ITGB1: variants seen among roughly 807,000 people sequenced by gnomAD.
ITGB1 encodes integrin subunit beta 1, also known as integrin beta-1.
Under a neutral mutation model 86.5 loss-of-function variants are expected in ITGB1, and 24 were observed. The ratio of observed to expected loss-of-function variants is 0.28; its 90% CI spans 0.20 to 0.39. ITGB1 has a LOEUF of 0.39. Ranked by LOEUF, ITGB1 falls within the 10% of genes least tolerant of loss-of-function variation. The pLI, the probability that ITGB1 is intolerant of heterozygous loss-of-function variation, is 1.00. For synonymous variants in ITGB1, 323 were observed against 316.8 expected (o/e 1.02, Z -0.21); for missense variants, 556 against 946.9 (o/e 0.59, Z 5.42).
intron 1 of ITGB1, among the ~76,000 whole-genome samples, chr10:32,950,085 T>C (rs921091938): frequency 5.2e-4 from 79 of 152,174 alleles, no homozygotes; most frequent in African/African-American, 1.7e-4. Flanking sequence ...CTGATACCTA[T>C]AGAGGTATAT....
At chr10:32,938,961 C>G (rs2095011194) in intron 1 of ITGB1, among the ~76,000 whole-genome samples, 1 of 152,164 alleles carries the variant, frequency 6.6e-6, no homozygotes, top group African/African-American at 2.4e-5. Context: ...GCTTTCAATG[C>G]TGCTGGCCTT....
intron 15 of ITGB1, among the ~76,000 whole-genome samples, chr10:32,904,314 T>TA (rs1419542100): frequency 1.3e-5 from 2 of 152,152 alleles, no homozygotes; most frequent in African/African-American, 4.8e-5. Flanking sequence ...AGAACAGGGT[T>TA]ATATTATGAA....
rs1186872641 is a variant in ITGB1, at chr10:32,947,432, CGT to C, written c.-1+10711_-1+10712del. 4.0e-3 allele frequency among the ~76,000 whole-genome samples: 549 copies of C among 137,348 alleles called. 3 individuals carry two copies. Among genetic ancestry groups the C allele is most frequent in the African/African-American group, 9.3e-3 (340 of 36,738 alleles). The allele number at this position is 137,348 out of a possible 152,430, so 90.1% of individuals were successfully genotyped here. A position where few individuals can be genotyped will look rare whatever the true frequency, so the allele number is the denominator to read the frequency against. On this transcript the variant is annotated intron_variant, in intron 1 of 15. Transcript: ENST00000302278. ...TAAAGCCAGGTGATTCACATATAGCCGTGTGTGTGTGTGTGTGTGTGTGTGTG... is the reference window on the plus strand; with the variant it reads ...TAAAGCCAGGTGATTCACATATAGCCGTGTGTGTGTGTGTGTGTGTGTGTG...
At chr10:32,911,363 G>T in intron 13 of ITGB1, 85 bp downstream of exon 13, 1 of 1,112,430 alleles carries the variant, frequency 9.0e-7, no homozygotes, top group Non-Finnish European at 1.4e-6. Flanking sequence ...TTTAATATTG[G>T]CACTGTTCTG....
rs191734207 is a variant in ITGB1, at chr10:32,921,174, A to C, written c.1129-789T>G. ...CATTGTAGCCCAGCCAAAAAAAAAA[A>C]AAAACAAAATCCCCCAAGAAGGAAG... On this transcript the variant is annotated intron_variant, in intron 9 of 15. Transcript: ENST00000302278. 1.3e-3 allele frequency among the ~76,000 whole-genome samples: 197 copies of C among 151,826 alleles called. 1 individual carries two copies. Among genetic ancestry groups the C allele is most frequent in the African/African-American group, 4.5e-3 (188 of 41,420 alleles).
chr10:32,937,576 A>G (rs2095006830), intron 1 of ITGB1, among the ~76,000 whole-genome samples: 1 of 143,250 alleles, frequency 7.0e-6, no homozygotes, highest in Non-Finnish European at 1.6e-5. Context: ...AAAAAAAAAA[A>G]AAGAGTTACA....
chr10:32,957,514 G>C (rs1189704717), intron 1 of ITGB1, among the ~76,000 whole-genome samples: 1 of 152,108 alleles, frequency 6.6e-6, no homozygotes, highest in Admixed American at 6.5e-5. Flanking sequence ...CCGCACCCCC[G>C]GTCCCCAGCG....
intron 1 of ITGB1, among the ~76,000 whole-genome samples, chr10:32,939,731 AGTG>A (rs2095013501): frequency 2.6e-5 from 1 of 38,632 alleles, no homozygotes. Context: ...TAAGTGAGTG[AGTG>A]AGTGAGTGAG....
chr10:32,957,022 G>A (rs751511934), intron 1 of ITGB1, among the ~76,000 whole-genome samples: 32 of 152,138 alleles, frequency 2.1e-4, no homozygotes, highest in Non-Finnish European at 3.7e-4. Flanking sequence ...TTTGCTCCCT[G>A]TGCCTCAGTT....
At chr10:32,953,521 C>T (rs1309423457) in intron 1 of ITGB1, 3 of 149,932 alleles carry the variant, frequency 2.0e-5, no homozygotes, top group African/African-American at 7.3e-5. Flanking sequence ...GTAAGTGGCA[C>T]AGTGCCTACA....
At chr10:32,937,457 G>A (rs1484298731) in intron 1 of ITGB1, among the ~76,000 whole-genome samples, 1 of 151,068 alleles carries the variant, frequency 6.6e-6, no homozygotes, top group Non-Finnish European at 1.5e-5. Flanking sequence ...TCAGGAGGCT[G>A]AGGCAGGAGA....
intron 1 of ITGB1, among the ~76,000 whole-genome samples, chr10:32,957,245 T>C (rs983632479): frequency 1.5e-4 from 23 of 152,108 alleles, no homozygotes; most frequent in Middle Eastern, 3.2e-3. Flanking sequence ...TACCAATGAG[T>C]GCAAAGTTTT....
rs772215707 is a variant in ITGB1 at position 32,923,755 on chromosome 10, G to A, written c.787-15C>T. 6 of 1,601,244 alleles carry A rather than the reference G, an allele frequency of 3.7e-6. No homozygotes were observed. Among genetic ancestry groups the A allele is most frequent in the Non-Finnish European group, 5.1e-6 (6 of 1,174,196 alleles). On this transcript the variant is annotated splice_polypyrimidine_tract_variant and intron_variant, in intron 6 of 15. Coordinates refer to ENST00000302278, the MANE Select transcript of ITGB1 (RefSeq NM_002211.4). The stretch of plus-strand genomic sequence containing the variant: ...CCAATCAGTGACTTGAAAAGAAAAG[G>A]ATTTCAATTTTAAAACACTATTCAC...
At chr10:32,902,072 C>T (rs2094883410) in intron 15 of ITGB1, among the ~76,000 whole-genome samples, 1 of 152,146 alleles carries the variant, frequency 6.6e-6, no homozygotes, top group African/African-American at 2.4e-5. Flanking sequence ...CCTCGGCTTT[C>T]ACTGCTGGGA....
chr10:32,910,570 G>A, intron 13 of ITGB1, 115 bp from the exon 14 acceptor site: 1 of 615,476 alleles, frequency 1.6e-6, no homozygotes. Flanking sequence ...CAGCTATGAA[G>A]GAAGATTTCA....
chr10:32,920,537 G>A (rs2094946137), intron 9 of ITGB1, 152 bp from the exon 10 acceptor site: 2 of 627,334 alleles, frequency 3.2e-6, no homozygotes, highest in Non-Finnish European at 5.5e-6. Context: ...ACAGAGGCCA[G>A]AGAAACAGGT....
rs200536241 is a variant in ITGB1, at chr10:32,910,295, C to T, written c.2092G>A (p.Asp698Asn). ...VSHCKEKDVD[D>N]CWFYFTYSVN... ...GAATACGTAAAATAGAACCAACAGT[C>T]GTCAACATCCTTCTCCTTACAATGG... The change falls in exon 14 of 16, where the codon GAC becomes AAC. Residue 698 changes from aspartate (D) to asparagine (N), a missense_variant. This residue lies in a region of ITGB1 where 330 missense variants were observed against 531.5 expected (regional missense o/e 0.62). Coordinates refer to ENST00000302278, the MANE Select transcript of ITGB1 (RefSeq NM_002211.4). The T allele has an allele frequency of 6.2e-7, 1 of 1,605,782 alleles. No homozygotes were observed. The highest frequency in any genetic ancestry group is 8.5e-7 in the Non-Finnish European group (1 of 1,173,850).
chr10:32,909,919 A>C (rs1409861041), intron 14 of ITGB1, among the ~76,000 whole-genome samples: 1 of 151,952 alleles, frequency 6.6e-6, no homozygotes, highest in Non-Finnish European at 1.5e-5. Context: ...TCATCAAAAA[A>C]CTCTTAATAT....
At chr10:32,942,566 CA>C (rs375335948) in intron 1 of ITGB1, among the ~76,000 whole-genome samples, 1 of 152,252 alleles carries the variant, frequency 6.6e-6, no homozygotes, top group African/African-American at 2.4e-5. Context: ...AGTCCATGCT[CA>C]AAACTCTTTG....
Sources: allele counts gnomAD v4.1 joint callset (sites outside exome capture counted in the v4.1 genomes callset), GRCh38; gene constraint gnomAD v4.1.1; regional missense constraint gnomAD v4.1.1; transcripts MANE v1.5; gene names NCBI Gene and HGNC (gene_info 2026-07-23, HGNC 2026-07-21).